ANKRD55: variants seen among roughly 807,000 people sequenced by gnomAD.
The protein encoded by ANKRD55 is ankyrin repeat domain 55.
In ANKRD55, 41 loss-of-function variants were observed where a neutral mutation model predicts 60.6. The ratio of observed to expected loss-of-function variants is 0.68; its 90% CI spans 0.53 to 0.88. ANKRD55 has a LOEUF of 0.88. Among genes scored for constraint, ANKRD55 ranks in the 40% least tolerant of loss-of-function variants. ANKRD55 has a pLI of 0.00. For synonymous variants in ANKRD55, 264 were observed against 290.3 expected (o/e 0.91, Z 0.92); for missense variants, 732 against 767.6 (o/e 0.95, Z 0.55).
At chr5:56,113,411 T>C (rs1164620047) in intron 9 of ANKRD55, among the ~76,000 whole-genome samples, 3 of 152,164 alleles carry the variant, frequency 2.0e-5, no homozygotes, top group Non-Finnish European at 4.4e-5. Context: ...AAGTTATTAA[T>C]TTGATTAAAT....
At chr5:56,154,430 G>A (rs904313443) in intron 6 of ANKRD55, among the ~76,000 whole-genome samples, 2 of 152,080 alleles carry the variant, frequency 1.3e-5, no homozygotes, top group Non-Finnish European at 2.9e-5. Flanking sequence ...CCTGGGCTGT[G>A]TTCTTTCCAT....
intron 10 of ANKRD55, among the ~76,000 whole-genome samples, chr5:56,108,886 A>T (rs546452336): frequency 1.3e-5 from 2 of 152,274 alleles, no homozygotes; most frequent in South Asian, 4.1e-4. Context: ...AAAATCCAAA[A>T]ATTAGTCAGG....
chr5:56,154,369 T>C (rs990824638), intron 6 of ANKRD55, among the ~76,000 whole-genome samples: 53 of 152,104 alleles, frequency 3.5e-4, no homozygotes, highest in African/African-American at 1.2e-3. Context: ...GTTCAAAACA[T>C]TGAGCAGCCA....
chr5:56,128,022 G>A (rs1430291125), intron 7 of ANKRD55, among the ~76,000 whole-genome samples: 1 of 152,156 alleles, frequency 6.6e-6, no homozygotes, highest in Non-Finnish European at 1.5e-5. Flanking sequence ...GCACACCTAA[G>A]CTTTCATGCC....
chr5:56,164,016 T>C (rs1244878105), intron 5 of ANKRD55, among the ~76,000 whole-genome samples: 1 of 152,126 alleles, frequency 6.6e-6, no homozygotes, highest in East Asian at 1.9e-4. Flanking sequence ...TGCTTCAATC[T>C]GGGAGGTGGA....
intron 7 of ANKRD55, 123 bp downstream of exon 7, chr5:56,143,678 A>T: frequency 7.2e-7 from 1 of 1,389,642 alleles, no homozygotes; most frequent in Non-Finnish European, 9.9e-7. Flanking sequence ...TTTCTTTTCA[A>T]CAAGTGGTGG....
chr5:56,169,880 C>T (rs945836480), intron 5 of ANKRD55, among the ~76,000 whole-genome samples: 5 of 152,166 alleles, frequency 3.3e-5, no homozygotes, highest in Admixed American at 1.3e-4. Context: ...TTACTGATTC[C>T]ATAGTAGAAA....
intron 10 of ANKRD55, among the ~76,000 whole-genome samples, chr5:56,109,236 G>A (rs1384210515): frequency 6.6e-6 from 1 of 152,144 alleles, no homozygotes; most frequent in Non-Finnish European, 1.5e-5. Flanking sequence ...ACACTCCATG[G>A]AGAGACGGTG....
chr5:56,214,392 C>T (rs1021390042), intron 2 of ANKRD55, among the ~76,000 whole-genome samples: 2 of 152,178 alleles, frequency 1.3e-5, no homozygotes, highest in African/African-American at 2.4e-5. Flanking sequence ...CGGCGTGGTG[C>T]CAGGTACTTT....
intron 5 of ANKRD55, 43 bp downstream of exon 5, chr5:56,170,651 G>T: frequency 6.7e-7 from 1 of 1,490,188 alleles, no homozygotes; most frequent in Non-Finnish European, 9.4e-7. Flanking sequence ...CATACAAGTT[G>T]AGTCACTCCC....
At chr5:56,144,033 T>A in intron 6 of ANKRD55, 104 bp from the exon 7 acceptor site, 1 of 1,465,370 alleles carries the variant, frequency 6.8e-7, no homozygotes. Flanking sequence ...ACCAGATGCG[T>A]TGGTTGTTTC....
At chr5:56,125,636 T>C (rs890017616) in intron 8 of ANKRD55, 4 of 152,126 alleles carry the variant, frequency 2.6e-5, no homozygotes, top group African/African-American at 4.8e-5. Flanking sequence ...CATTTAACCA[T>C]CTCCAACTTC....
intron 5 of ANKRD55, among the ~76,000 whole-genome samples, chr5:56,167,625 C>T (rs1758514966): frequency 6.6e-6 from 1 of 152,164 alleles, no homozygotes; most frequent in Non-Finnish European, 1.5e-5. Context: ...TTTTATCTTT[C>T]AGAATCAGTT....
At chr5:56,155,081 A>C (rs1055004045) in intron 6 of ANKRD55, among the ~76,000 whole-genome samples, 1 of 151,972 alleles carries the variant, frequency 6.6e-6, no homozygotes, top group South Asian at 2.1e-4. Context: ...AAAAACAAAA[A>C]ATGAGCTGGG....
intron 2 of ANKRD55, among the ~76,000 whole-genome samples, chr5:56,198,977 G>A (rs1759293419): frequency 1.3e-5 from 2 of 152,068 alleles, no homozygotes; most frequent in South Asian, 4.2e-4. Flanking sequence ...CTACTCAGGA[G>A]GCTGAGGCAG....
chr5:56,176,398 A>G, intron 3 of ANKRD55, 116 bp from the exon 4 acceptor site: 1 of 1,169,986 alleles, frequency 8.5e-7, no homozygotes, highest in Non-Finnish European at 1.2e-6. Context: ...AGCTGTTTGT[A>G]TGGGACTGAA....
At chr5:56,101,174 C>T (rs928244298) in intron 11 of ANKRD55, among the ~76,000 whole-genome samples, 1 of 152,188 alleles carries the variant, frequency 6.6e-6, no homozygotes, top group Admixed American at 6.5e-5. Flanking sequence ...CTCCTTCAAA[C>T]CCTAGCCTAG....
At chr5:56,102,262 C>T (rs540155912) in intron 11 of ANKRD55, among the ~76,000 whole-genome samples, 5 of 152,070 alleles carry the variant, frequency 3.3e-5, no homozygotes, top group Non-Finnish European at 7.4e-5. Flanking sequence ...TGGTGGCAGG[C>T]GCCTGTAATC....
At chr5:56,129,913 C>T (rs1255539271) in intron 7 of ANKRD55, among the ~76,000 whole-genome samples, 2 of 152,142 alleles carry the variant, frequency 1.3e-5, no homozygotes, top group Admixed American at 1.3e-4. Context: ...CCTGGCTCAT[C>T]GGTTGGAGCC....
Sources: gnomAD v4.1 joint callset for allele counts (sites outside exome capture counted in the v4.1 genomes callset) on GRCh38, gnomAD v4.1.1 for gene constraint, MANE v1.5 for transcripts, NCBI Gene and HGNC (gene_info 2026-07-23, HGNC 2026-07-21) for gene names.